Variants in TBCD observed in about 807,000 individuals in gnomAD.
TBCD encodes the protein tubulin folding cofactor D, also known as tubulin-specific chaperone D.
A neutral mutation model predicts 169.3 loss-of-function variants in TBCD; 105 were observed. The observed-to-expected ratio is 0.62, with a 90% CI of 0.53 to 0.73. TBCD has a LOEUF of 0.73. Ranked by LOEUF, TBCD falls within the 30% of genes least tolerant of loss-of-function variation. The pLI is 0.00. For missense variants in TBCD, 1,444 were observed against 1,600.1 expected (o/e 0.90, Z 1.66); for synonymous variants, 700 against 643.9 (o/e 1.09, Z -1.32).
At chr17:82,937,096 T>C (rs1006780688) in intron 34 of TBCD, 175 bp from the exon 35 acceptor site, 3 of 603,846 alleles carry the variant, frequency 5.0e-6, no homozygotes, top group East Asian at 2.8e-5. Flanking sequence ...CAGGCCGGCC[T>C]GTGGAGGTAT....
At chr17:82,796,731 C>CT (rs1568146732) in intron 7 of TBCD, among the ~76,000 whole-genome samples, 1 of 152,242 alleles carries the variant, frequency 6.6e-6, no homozygotes, top group Non-Finnish European at 1.5e-5. Context: ...GAGAGCCCCC[C>CT]AGCGGGCTCC....
At chr17:82,812,305 C>T (rs1310128101) in intron 12 of TBCD, among the ~76,000 whole-genome samples, 8 of 152,228 alleles carry the variant, frequency 5.3e-5, no homozygotes, top group Admixed American at 2.0e-4. Flanking sequence ...CACGGCACTA[C>T]GCTGTGCCTC....
At chr17:82,863,346 C>G (rs538429893) in intron 13 of TBCD, among the ~76,000 whole-genome samples, 3 of 152,312 alleles carry the variant, frequency 2.0e-5, no homozygotes, top group Non-Finnish European at 4.4e-5. Flanking sequence ...GACCCGGACG[C>G]AGCGTGGAGG....
At chr17:82,906,934 C>T (rs1342473033) in intron 20 of TBCD, among the ~76,000 whole-genome samples, 1 of 152,208 alleles carries the variant, frequency 6.6e-6, no homozygotes, top group Non-Finnish European at 1.5e-5. Context: ...GAGAACCAGG[C>T]GGGAGCTCCC....
intron 14 of TBCD, among the ~76,000 whole-genome samples, chr17:82,879,059 C>CT (rs58480407): frequency 2.1e-4 from 24 of 113,976 alleles, no homozygotes; most frequent in African/African-American, 3.4e-4. Flanking sequence ...AGATCCTGTT[C>CT]TTTTTTTTTT....
At chr17:82,908,520 G>T in intron 21 of TBCD, 1 of 351,754 alleles carries the variant, frequency 2.8e-6, no homozygotes, top group African/African-American at 2.2e-5. Context: ...CTTGTCTGTT[G>T]TCCAGATAGC....
chr17:82,758,405 A>AAAAAAAAAAAAT (rs2047553345), intron 2 of TBCD, among the ~76,000 whole-genome samples: 1 of 136,490 alleles, frequency 7.3e-6, no homozygotes, highest in Non-Finnish European at 1.6e-5. Context: ...AAAAAAAAAT[A>AAAAAAAAAAAAT]AATAAATAAA....
At chr17:82,941,189 C>G (rs2063204348) in intron 37 of TBCD, among the ~76,000 whole-genome samples, 3 of 152,224 alleles carry the variant, frequency 2.0e-5, no homozygotes, top group Admixed American at 2.0e-4. Context: ...AGGAACCGTC[C>G]TCCTGCGATT....
chr17:82,916,284 C>T (rs938340409), intron 23 of TBCD, among the ~76,000 whole-genome samples: 1 of 152,194 alleles, frequency 6.6e-6, no homozygotes, highest in Non-Finnish European at 1.5e-5. Context: ...ACTCTTGTTG[C>T]TCAGGCTGGA....
chr17:82,928,046 G>A (rs2061901645), intron 30 of TBCD, 58 bp downstream of exon 30: 2 of 1,539,736 alleles, frequency 1.3e-6, no homozygotes, highest in Non-Finnish European at 1.8e-6. Flanking sequence ...GCTTGGGGAG[G>A]CTGGCGGGGC....
In TBCD at chr17:82,929,377, C is replaced by T. The variant is rs534723559; in HGVS notation, c.2868C>T (p.Ser956=). The T allele has an allele frequency of 1.1e-5, 17 of 1,613,080 alleles. No homozygotes were observed. The highest frequency in any genetic ancestry group is 2.2e-5 in the East Asian group (1 of 44,872). ...EKLFPRSDVA[S]VNWSAPSQAF... is the part of the protein sequence containing the mutation. Reference sequence around the variant, plus strand: ...TCTCTTGCAGGTCCGATGTGGCCTCCGTGAACTGGAGTGCACCTTCCCAGG... The same window carrying T: ...TCTCTTGCAGGTCCGATGTGGCCTCTGTGAACTGGAGTGCACCTTCCCAGG... Residue 956 remains serine, a synonymous_variant, in exon 32 of 39, where the codon TCC becomes TCT. Coordinates refer to ENST00000355528, the MANE Select transcript of TBCD (RefSeq NM_005993.5).
intron 13 of TBCD, among the ~76,000 whole-genome samples, chr17:82,841,967 C>G (rs992989470): frequency 6.6e-6 from 1 of 152,234 alleles, no homozygotes; most frequent in African/African-American, 2.4e-5. Flanking sequence ...CTCAGGACTT[C>G]AAGAGAGCAA....
intron 13 of TBCD, among the ~76,000 whole-genome samples, chr17:82,847,356 G>GGAAAAAA (rs1236836895): frequency 1.2e-5 from 1 of 81,746 alleles, no homozygotes; most frequent in African/African-American, 4.6e-5. Context: ...CCATGTCAAA[G>GGAAAAAA]AAAAAAAAAA....
chr17:82,901,426 C>A (rs1478127073), intron 18 of TBCD, among the ~76,000 whole-genome samples: 1 of 152,138 alleles, frequency 6.6e-6, no homozygotes, highest in Non-Finnish European at 1.5e-5. Flanking sequence ...GGAGGGGGTC[C>A]TTTCTGATCC....
chr17:82,863,609 G>T (rs80243549), intron 13 of TBCD, among the ~76,000 whole-genome samples: 18,501 of 152,160 alleles, frequency 0.12, 1,476 homozygotes, highest in Non-Finnish European at 0.17. Flanking sequence ...TGCTCGGGAC[G>T]CAGCCTTTGG....
At chr17:82,793,539 G>C (rs912039374) in intron 7 of TBCD, among the ~76,000 whole-genome samples, 4 of 152,164 alleles carry the variant, frequency 2.6e-5, no homozygotes, top group Admixed American at 2.0e-4. Context: ...GGGGAGCCTC[G>C]AGCGTACCAG....
intron 7 of TBCD, among the ~76,000 whole-genome samples, chr17:82,787,377 T>C (rs1432929120): frequency 1.3e-5 from 2 of 152,248 alleles, no homozygotes; most frequent in African/African-American, 4.8e-5. Context: ...TGGCAGCTCC[T>C]GGGGCCAGCA....
In TBCD at chr17:82,889,185, T is replaced by G. The variant is rs1279083640; in HGVS notation, c.1534-483T>G. Among the ~76,000 whole-genome samples, 2 of 152,190 alleles carry G rather than the reference T, an allele frequency of 1.3e-5. No individual in the cohort carries two copies. Among genetic ancestry groups the G allele is most frequent in the East Asian group, 3.9e-4 (2 of 5,180 alleles). ...CACATTTTGACCTTTTCAGCAGCCC[T>G]TGCTCTGGGCCTGTGCCCGGCCCTG... is the stretch of plus-strand genomic sequence containing the variant. On this transcript the variant is annotated intron_variant, in intron 15 of 38. Transcript: ENST00000355528. The surrounding 1 kb of genome is among the most constrained non-coding windows in gnomAD (Gnocchi z 5.3).
In TBCD at chr17:82,908,705, C is replaced by T. The variant is rs1195510980; in HGVS notation, c.1984-580C>T. Among the ~76,000 whole-genome samples the T allele has an allele frequency of 4.6e-5, 7 of 152,172 alleles. No individual in the cohort carries two copies. In the East Asian group the frequency reaches 7.7e-4, roughly 17 times the overall value. On this transcript the variant is annotated intron_variant, in intron 21 of 38. Coordinates refer to ENST00000355528, the MANE Select transcript of TBCD (RefSeq NM_005993.5). ...CAGAGTGCAGACGGGGAGGTGGCCC[C>T]GGGCAGCAGCCATGAACGTGGCCTC...
Sources: gnomAD v4.1 joint callset for allele counts (sites outside exome capture counted in the v4.1 genomes callset) on GRCh38, gnomAD v4.1.1 for gene constraint, Gnocchi (gnomAD v3.1) non-coding constraint, MANE v1.5 for transcripts, NCBI Gene and HGNC (gene_info 2026-07-23, HGNC 2026-07-21) for gene names.